Variants in SHTN1 observed in about 807,000 individuals in gnomAD.
SHTN1 encodes shootin-1.
Under a neutral mutation model 83.1 loss-of-function variants are expected in SHTN1, and 42 were observed. The ratio of observed to expected loss-of-function variants is 0.51; its 90% confidence interval spans 0.39 to 0.65. The LOEUF (loss-of-function observed/expected upper bound fraction) is 0.65. Ranked by LOEUF, SHTN1 falls within the 30% of genes least tolerant of loss-of-function variation. The pLI is 0.00. For synonymous variants in SHTN1, 224 were observed against 247.7 expected (o/e 0.90, Z 0.90); for missense variants, 622 against 737.8 (o/e 0.84, Z 1.82).
At chr10:116,946,218 C>A (rs1381789002) in intron 7 of SHTN1, among the ~76,000 whole-genome samples, 2 of 148,308 alleles carry the variant, frequency 1.3e-5, no homozygotes, top group Non-Finnish European at 3.0e-5. Context: ...ACATATTTAA[C>A]AAAACATTTA....
In SHTN1 at chr10:116,979,241, A is replaced by C; in HGVS notation, c.111+15T>G. 6.2e-7 allele frequency: 1 copy of C among 1,610,368 alleles called. No individual in the cohort carries two copies. On this transcript the variant is annotated intron_variant, in intron 2 of 16. Transcript: ENST00000355371. Reference sequence around the variant, plus strand: ...ACACATGTAAGAAAGGGGAAAAAAAAGGTAAAGTACAAACCTTCTCCTTTG... The same window carrying C: ...ACACATGTAAGAAAGGGGAAAAAAACGGTAAAGTACAAACCTTCTCCTTTG...
At chr10:116,933,539 T>C (rs1001863665) in intron 9 of SHTN1, among the ~76,000 whole-genome samples, 6 of 152,220 alleles carry the variant, frequency 3.9e-5, no homozygotes, top group African/African-American at 1.4e-4. Context: ...GGTGTATATG[T>C]GCCACATTTT....
In SHTN1 at chr10:116,892,404, C is replaced by T. The variant is rs576575707; in HGVS notation, c.1674-5838G>A. Among the ~76,000 whole-genome samples the T allele has an allele frequency of 1.5e-4, 23 of 152,282 alleles. 2 individuals are homozygous for T. Among genetic ancestry groups the T allele is most frequent in the Admixed American group, 1.5e-3 (23 of 15,298 alleles). ...TGTGGGTGATCATTTTCTTAAGCTT[C>T]GTTTTTTAGCTTTTTATAATTCTGC... On this transcript the variant is annotated intron_variant, in intron 16 of 16. Transcript: ENST00000355371.
At chr10:116,976,533 C>T (rs1850814360) in intron 2 of SHTN1, among the ~76,000 whole-genome samples, 1 of 152,182 alleles carries the variant, frequency 6.6e-6, no homozygotes, top group Non-Finnish European at 1.5e-5. Flanking sequence ...TTTAACTGCA[C>T]TCTGGTTTGG....
chr10:117,037,435 T>A (rs1419248604), intron 2 of SHTN1, among the ~76,000 whole-genome samples: 2 of 152,204 alleles, frequency 1.3e-5, no homozygotes, highest in Admixed American at 1.3e-4. Context: ...AATGGAGAGA[T>A]ATTCCATGTG....
intron 16 of SHTN1, among the ~76,000 whole-genome samples, chr10:116,899,785 T>C (rs576596313): frequency 6.6e-6 from 1 of 152,312 alleles, no homozygotes; most frequent in East Asian, 1.9e-4. Flanking sequence ...TCAAAGTGCT[T>C]TGACAGGCCA....
rs1850126276 is a variant in SHTN1, at chr10:116,960,013, C to T, written c.267+123G>A. On this transcript the variant is annotated intron_variant, in intron 4 of 16. Transcript: ENST00000355371. The stretch of plus-strand genomic sequence containing the variant: ...GATTCTGAGGCCTTTTAACATTTCC[C>T]TCATCATCAGAGTAGATAATCGATT... 3 of 579,108 alleles carry T rather than the reference C, an allele frequency of 5.2e-6. No homozygotes were observed. The Admixed American group carries it at 9.0e-5, about 17-fold the overall frequency. 35.9% of individuals were successfully genotyped at this position (579,108 alleles called of 1,614,324 possible).
chr10:116,985,570 C>T (rs530371603), intron 1 of SHTN1, among the ~76,000 whole-genome samples: 3 of 152,186 alleles, frequency 2.0e-5, no homozygotes, highest in Non-Finnish European at 4.4e-5. Flanking sequence ...TAGGTCTTCA[C>T]GTGAGCAAAT....
chr10:117,065,560 A>C (rs948824502), intron 1 of SHTN1, among the ~76,000 whole-genome samples: 3 of 151,078 alleles, frequency 2.0e-5, no homozygotes, highest in African/African-American at 7.3e-5. Flanking sequence ...TCTACCAAAA[A>C]TACAAAAATT....
chr10:116,984,873 A>G (rs2133495319), intron 1 of SHTN1, among the ~76,000 whole-genome samples: 1 of 152,276 alleles, frequency 6.6e-6, no homozygotes, highest in South Asian at 2.1e-4. Flanking sequence ...GGCCACACCC[A>G]AAGTCCCAGT....
intron 1 of SHTN1, among the ~76,000 whole-genome samples, chr10:116,983,956 A>G (rs551987657): frequency 1.7e-4 from 26 of 152,320 alleles, no homozygotes; most frequent in African/African-American, 4.8e-4. Context: ...TTTCTTTCCA[A>G]GCTGCAAATC....
In SHTN1 at chr10:116,884,416, A is replaced by T. The variant is rs1847106947; in HGVS notation, c.*1928T>A. 2.7e-6 allele frequency: 1 copy of T among 367,518 alleles called. No individual in the cohort carries two copies. The highest frequency in any genetic ancestry group is 5.5e-6 in the Non-Finnish European group (1 of 181,144). 22.8% of individuals were successfully genotyped at this position (367,518 alleles called of 1,614,324 possible). A position where few individuals can be genotyped will look rare whatever the true frequency, so the allele number is the denominator to read the frequency against. On this transcript the variant is annotated 3_prime_UTR_variant, in exon 17 of 17. Transcript: ENST00000355371. ...CACAGTGAGAGAAAGTAAGCAGCTT[A>T]AAAAAGGCAGGAATACTTTCAAAAT...
At chr10:116,984,675 C>T (rs1415207360) in intron 1 of SHTN1, among the ~76,000 whole-genome samples, 1 of 152,224 alleles carries the variant, frequency 6.6e-6, no homozygotes, top group African/African-American at 2.4e-5. Flanking sequence ...AAGCTGTTAT[C>T]TCTGCCCTTA....
chr10:117,042,563 C>CA (rs1337295196), intron 2 of SHTN1, among the ~76,000 whole-genome samples: 3 of 152,068 alleles, frequency 2.0e-5, no homozygotes, highest in Non-Finnish European at 4.4e-5. Flanking sequence ...AAACATACTC[C>CA]AATACAGCTC....
intron 2 of SHTN1, among the ~76,000 whole-genome samples, chr10:116,973,111 G>A (rs1256226786): frequency 2.0e-5 from 3 of 152,118 alleles, no homozygotes; most frequent in East Asian, 1.9e-4. Flanking sequence ...CCTCTCTCAC[G>A]TATTCATCCA....
rs1202426484 is a variant in SHTN1 at position 116,881,681 on chromosome 10, C to G, written c.*4663G>C. On this transcript the variant is annotated 3_prime_UTR_variant, in exon 17 of 17. Coordinates refer to ENST00000355371, the MANE Select transcript of SHTN1 (RefSeq NM_001127211.3). ...CATCCTCTGGATAGGGCTGTACACA[C>G]CCCAGGTTCCAGCCACACCATCAGT... The G allele has an allele frequency of 8.1e-6, 12 of 1,476,506 alleles. No individual in the cohort carries two copies. Among genetic ancestry groups the G allele is most frequent in the East Asian group, 7.7e-5 (3 of 38,798 alleles). 91.5% of individuals were successfully genotyped at this position (1,476,506 alleles called of 1,614,324 possible).
intron 2 of SHTN1, among the ~76,000 whole-genome samples, chr10:117,027,764 C>A (rs1489336075): frequency 6.6e-6 from 1 of 152,202 alleles, no homozygotes; most frequent in Non-Finnish European, 1.5e-5. Flanking sequence ...TTCCAAAGTG[C>A]TGGCATTACA....
chr10:117,098,396 CAAAAAAAAAAAAAAA>C (rs11321262), intron 1 of SHTN1, among the ~76,000 whole-genome samples: 4 of 61,068 alleles, frequency 6.6e-5, no homozygotes, highest in African/African-American at 1.9e-4. Context: ...CACTCCGTCT[CAAAAAAAAAAAAAAA>C]AAAAAAAAGT....
At chr10:116,969,313 C>T (rs944153835) in intron 2 of SHTN1, among the ~76,000 whole-genome samples, 9 of 152,052 alleles carry the variant, frequency 5.9e-5, no homozygotes, top group Non-Finnish European at 1.2e-4. Context: ...TGGTGGTGCG[C>T]ACCTGTAATC....
Sources: allele counts gnomAD v4.1 joint callset (sites outside exome capture counted in the v4.1 genomes callset), GRCh38; gene constraint gnomAD v4.1.1; transcripts MANE v1.5; gene names NCBI Gene and HGNC (gene_info 2026-07-23, HGNC 2026-07-21).